SH3BP4: variants seen among roughly 807,000 people sequenced by gnomAD.
SH3BP4 encodes SH3 domain-binding protein 4.
SH3BP4 carries 33 observed loss-of-function variants against 65.5 expected under a neutral mutation model. The observed-to-expected ratio is 0.50, with a 90% confidence interval of 0.38 to 0.67. The LOEUF (loss-of-function observed/expected upper bound fraction) is 0.67. Among genes scored for constraint, SH3BP4 ranks in the 30% least tolerant of loss-of-function variants. The probability of loss-of-function intolerance (pLI) is 0.00; values close to 1 mark genes in which losing one functional copy is unlikely to be tolerated. For missense variants in SH3BP4, 1,134 were observed against 1,261.4 expected, an observed-to-expected ratio of 0.90 and a Z score of 1.53; for synonymous variants, 552 against 545.5, an observed-to-expected ratio of 1.01 and a Z score of -0.17.
intron 2 of SH3BP4, among the ~76,000 whole-genome samples, chr2:235,002,153 T>C (rs1694122935): frequency 6.6e-6 from 1 of 152,176 alleles, no homozygotes; most frequent in Non-Finnish European, 1.5e-5. Context: ...TGAGCCACCA[T>C]GCTGGGCTGG....
Position 235,033,507 on chromosome 2 carries a change from G to A in SH3BP4, c.-132-1364G>A, listed in dbSNP as rs1170811888. 3.3e-5 allele frequency among the ~76,000 whole-genome samples: 5 copies of A among 152,214 alleles called. No individual in the cohort carries two copies. Among genetic ancestry groups the A allele is most frequent in the Admixed American group, 6.5e-5 (1 of 15,286 alleles). ...AACACATGCCTTCTCTCCAGACAGC[G>A]TTCAGGTGCAGAATGCAGCCTTCTG... On this transcript the variant is annotated intron_variant, in intron 2 of 5. Transcript: ENST00000392011. This position sits in a 1 kb window ranked among gnomAD's most constrained non-coding sequence, Gnocchi z 5.7.
rs369487121 is a variant in SH3BP4, at chr2:234,977,821, G to A, written c.-206-17482G>A. On this transcript the variant is annotated intron_variant, in intron 1 of 5. Coordinates refer to ENST00000392011, the MANE Select transcript of SH3BP4 (RefSeq NM_014521.3). This position sits in a 1 kb window ranked among gnomAD's most constrained non-coding sequence, Gnocchi z 5.1. Reference sequence around the variant, plus strand: ...CACACATGGGCACACACACACATGCGTGCACACACACGCAGACCCTGAGAC... The same window carrying A: ...CACACATGGGCACACACACACATGCATGCACACACACGCAGACCCTGAGAC... Among the ~76,000 whole-genome samples, 3 of 152,184 alleles carry A rather than the reference G, an allele frequency of 2.0e-5. No homozygotes were observed. The South Asian group carries it at 6.2e-4, about 32-fold the overall frequency.
intron 3 of SH3BP4, among the ~76,000 whole-genome samples, chr2:235,039,649 G>T (rs1243132933): frequency 6.6e-6 from 1 of 152,126 alleles, no homozygotes; most frequent in Non-Finnish European, 1.5e-5. Flanking sequence ...CAGAAAGAGT[G>T]TTCTTCATCT....
At chr2:235,018,342 C>T (rs6745189) in intron 2 of SH3BP4, among the ~76,000 whole-genome samples, 26,366 of 151,970 alleles carry the variant, frequency 0.17, 6,361 homozygotes, top group African/African-American at 0.54. Flanking sequence ...ATTTTAGTCT[C>T]GTGGGGTACG....
At chr2:235,009,415 T>C (rs991581806) in intron 2 of SH3BP4, among the ~76,000 whole-genome samples, 19 of 152,192 alleles carry the variant, frequency 1.2e-4, no homozygotes, top group African/African-American at 4.6e-4. Context: ...AAGGAGAGTT[T>C]GGGAGAGGGG....
At chr2:234,987,607 C>A (rs568714930) in intron 1 of SH3BP4, among the ~76,000 whole-genome samples, 1 of 152,130 alleles carries the variant, frequency 6.6e-6, no homozygotes, top group Non-Finnish European at 1.5e-5. Flanking sequence ...CTTATTCATG[C>A]GAGAGAGTTC....
At chr2:235,019,794 G>GA (rs1367152194) in intron 2 of SH3BP4, among the ~76,000 whole-genome samples, 1 of 147,124 alleles carries the variant, frequency 6.8e-6, no homozygotes, top group Non-Finnish European at 1.5e-5. Context: ...TCTCAATCTA[G>GA]AAGGTGGTCC....
intron 1 of SH3BP4, among the ~76,000 whole-genome samples, chr2:234,968,121 T>C (rs6724857): frequency 6.6e-6 from 1 of 152,298 alleles, no homozygotes; most frequent in South Asian, 2.1e-4. Context: ...TAGTTAGGGA[T>C]CTGGTCAGCT....
At chr2:234,998,415 A>G (rs1693992728) in intron 2 of SH3BP4, among the ~76,000 whole-genome samples, 1 of 152,058 alleles carries the variant, frequency 6.6e-6, no homozygotes, top group Non-Finnish European at 1.5e-5. Flanking sequence ...GGAGTCACCC[A>G]CTCTTCGCAG....
intron 3 of SH3BP4, among the ~76,000 whole-genome samples, chr2:235,038,338 A>T (rs1205818046): frequency 5.8e-4 from 4 of 6,848 alleles, no homozygotes; most frequent in African/African-American, 1.8e-3. Flanking sequence ...TATTATATAT[A>T]GTATATATAT....
Position 235,053,593 on chromosome 2 carries a change from C to T in SH3BP4, c.2669C>T (p.Ala890Val), listed in dbSNP as rs267599278. ...GTTTTTTACAACTCCACCTCCCAGG[C>T]CATGTGGAAGCCTGCGTATGACTTC... Reference protein sequence around the residue: ...RDRNGVVDSEAMWKPAYDFLL... With the variant: ...RDRNGVVDSEVMWKPAYDFLL... Residue 890 changes from alanine (A) to valine (V), a missense_variant and splice_region_variant, in exon 6 of 6, where the codon GCC becomes GTC. Physicochemically the swap from Ala to Val is moderately conservative, Grantham distance 64. Transcript: ENST00000392011. 1.2e-6 allele frequency: 2 copies of T among 1,612,954 alleles called. No homozygotes were observed. Among genetic ancestry groups the T allele is most frequent in the Non-Finnish European group, 1.7e-6 (2 of 1,179,076 alleles).
At chr2:235,043,317 A>T in intron 4 of SH3BP4, 70 bp downstream of exon 4, 4 of 1,303,210 alleles carry the variant, frequency 3.1e-6, no homozygotes, top group Non-Finnish European at 4.2e-6. Context: ...TTCCCAGTGC[A>T]CATGGGCGTG....
chr2:235,017,433 G>T (rs1243114646), intron 2 of SH3BP4, among the ~76,000 whole-genome samples: 1 of 143,634 alleles, frequency 7.0e-6, no homozygotes, highest in South Asian at 2.2e-4. Flanking sequence ...GCAACAGAGC[G>T]AGACTCAGTC....
At chr2:234,953,801 T>A (rs568935765) in intron 1 of SH3BP4, among the ~76,000 whole-genome samples, 8 of 152,196 alleles carry the variant, frequency 5.3e-5, no homozygotes, top group African/African-American at 1.9e-4. Flanking sequence ...AGTGGAGCCC[T>A]GAGGACAATA....
intron 3 of SH3BP4, among the ~76,000 whole-genome samples, chr2:235,038,337 T>TA (rs1478813090): frequency 1.5e-4 from 1 of 6,622 alleles, no homozygotes; most frequent in African/African-American, 2.2e-4. Flanking sequence ...ATATTATATA[T>TA]AGTATATATA....
intron 1 of SH3BP4, among the ~76,000 whole-genome samples, chr2:234,993,058 G>A (rs114458397): frequency 0.016 from 2,503 of 152,356 alleles, 77 homozygotes; most frequent in African/African-American, 0.057. Context: ...TGGGAGGCTG[G>A]GGAGTTCCTG....
chr2:235,002,684 C>A (rs1197810464), intron 2 of SH3BP4, among the ~76,000 whole-genome samples: 4 of 152,218 alleles, frequency 2.6e-5, no homozygotes, highest in Admixed American at 1.3e-4. Flanking sequence ...TGTGATCACG[C>A]CACTGCACTG....
At position 235,042,302 on chromosome 2, in the gene SH3BP4, C is replaced by A; in HGVS notation, c.1533C>A (p.Arg511=). 6.2e-7 allele frequency: 1 copy of A among 1,614,136 alleles called. No individual in the cohort carries two copies. ...CGCTCCTGGTCAGCGAGGTCACACG[C>A]CAGGCACCCAACCCTGCCCCGGTGG... is the stretch of plus-strand genomic sequence containing the variant. The part of the protein sequence containing the change: ...PKTLLVSEVT[R]QAPNPAPVAL... Residue 511 remains arginine, a synonymous_variant, in exon 4 of 6, where the codon CGC becomes CGA. Coordinates refer to ENST00000392011, the MANE Select transcript of SH3BP4 (RefSeq NM_014521.3). This position sits in a 1 kb window ranked among gnomAD's most constrained non-coding sequence, Gnocchi z 7.3.
intron 2 of SH3BP4, among the ~76,000 whole-genome samples, chr2:235,015,744 G>A (rs1694668391): frequency 1.3e-5 from 2 of 152,312 alleles, no homozygotes; most frequent in Admixed American, 6.5e-5. Flanking sequence ...GCTGAGAACA[G>A]ATAAAGGTGT....
Sources: allele counts gnomAD v4.1 joint callset (sites outside exome capture counted in the v4.1 genomes callset), GRCh38; gene constraint gnomAD v4.1.1; non-coding constraint Gnocchi (gnomAD v3.1); transcripts MANE v1.5; gene names NCBI Gene and HGNC (gene_info 2026-07-23, HGNC 2026-07-21).